Variants in MYO3B observed in about 807,000 individuals in gnomAD.
MYO3B encodes the protein myosin-IIIb.
MYO3B carries 156 observed loss-of-function variants against 174.6 expected under a neutral mutation model. The ratio of observed to expected loss-of-function variants is 0.89; its 90% confidence interval spans 0.78 to 1.02. The LOEUF is 1.02. MYO3B is among the 50% of genes least tolerant of loss of function. The pLI is 0.00. For missense variants in MYO3B, 1,632 were observed against 1,639.4 expected (o/e 1.00, Z 0.08); for synonymous variants, 563 against 569.1 (o/e 0.99, Z 0.15).
At chr2:170,610,496 A>G (rs1315522494) in intron 32 of MYO3B, among the ~76,000 whole-genome samples, 1 of 152,174 alleles carries the variant, frequency 6.6e-6, no homozygotes, top group Non-Finnish European at 1.5e-5. Context: ...CAGTCAAGTA[A>G]TTTTCTATCA....
chr2:170,601,605 C>G (rs534779832), intron 32 of MYO3B: 201 of 1,190,634 alleles, frequency 1.7e-4, no homozygotes, highest in Non-Finnish European at 2.2e-4. Context: ...TAGGCTAGAA[C>G]CAACTTATTC....
rs771135579 is a variant in MYO3B, at chr2:170,499,692, G to A, written c.3173G>A (p.Arg1058Gln). 5.1e-5 allele frequency: 83 copies of A among 1,613,862 alleles called. No individual in the cohort carries two copies. Among genetic ancestry groups the A allele is most frequent in the Non-Finnish European group, 6.6e-5 (78 of 1,179,974 alleles). Residue 1058 changes from arginine (R) to glutamine (Q), a missense_variant, in exon 27 of 35, where the codon CGA becomes CAA. Arg to Gln is a conservative substitution (Grantham distance 43). Coordinates refer to ENST00000408978, the MANE Select transcript of MYO3B (RefSeq NM_138995.5). ...YHVEQLNLLL[R>Q]EVIGRVVVLQ... is the part of the protein sequence containing the mutation. The stretch of plus-strand genomic sequence containing the variant: ...GTTGAGCAATTAAATTTGCTGCTTC[G>A]AGAAGTCATAGGCAGAGTGGTTGTG...
At chr2:170,617,605 G>A (rs1393409983) in intron 32 of MYO3B, among the ~76,000 whole-genome samples, 1 of 152,106 alleles carries the variant, frequency 6.6e-6, no homozygotes, top group Non-Finnish European at 1.5e-5. Context: ...TCCATAATTT[G>A]GAATGTTCAG....
chr2:170,550,891 T>C (rs900139621), intron 32 of MYO3B, among the ~76,000 whole-genome samples: 1 of 152,134 alleles, frequency 6.6e-6, no homozygotes, highest in South Asian at 2.1e-4. Flanking sequence ...TAGGAATGAC[T>C]GCCTTTATTG....
intron 23 of MYO3B, among the ~76,000 whole-genome samples, chr2:170,456,264 G>A (rs1437609800): frequency 3.3e-5 from 5 of 152,186 alleles, no homozygotes; most frequent in Non-Finnish European, 5.9e-5. Context: ...ACAAACAGTG[G>A]TTTGGGACAA....
intron 7 of MYO3B, among the ~76,000 whole-genome samples, chr2:170,315,584 G>C (rs2093770085): frequency 6.6e-6 from 1 of 152,156 alleles, no homozygotes; most frequent in African/African-American, 2.4e-5. Context: ...GGGATTACAG[G>C]TGTGAGCCAT....
chr2:170,384,736 T>A (rs1399004778), intron 12 of MYO3B, among the ~76,000 whole-genome samples: 2 of 152,228 alleles, frequency 1.3e-5, no homozygotes, highest in African/African-American at 4.8e-5. Context: ...CTGTGTTGTC[T>A]TTTTTGACAC....
At chr2:170,244,934 C>T (rs1340876393) in intron 7 of MYO3B, among the ~76,000 whole-genome samples, 2 of 152,124 alleles carry the variant, frequency 1.3e-5, no homozygotes, top group East Asian at 1.9e-4. Context: ...AATCACAGCC[C>T]GGGAAAGATT....
Position 170,217,413 on chromosome 2 carries a change from A to G in MYO3B, c.603+18A>G, listed in dbSNP as rs565473944. On this transcript the variant is annotated intron_variant, in intron 6 of 34. Transcript: ENST00000408978. ...CCCCTGAGGTAAGCTGGAAATACCT[A>G]GTTCTTTCTTTGCACTTGTTGAATG... 10 of 1,602,890 alleles carry G rather than the reference A, an allele frequency of 6.2e-6. No homozygotes were observed. Among genetic ancestry groups the G allele is most frequent in the Admixed American group, 3.3e-5 (2 of 60,012 alleles).
intron 12 of MYO3B, 55 bp from the exon 13 acceptor site, chr2:170,386,134 G>C: frequency 7.0e-7 from 1 of 1,431,706 alleles, no homozygotes; most frequent in Non-Finnish European, 9.8e-7. Flanking sequence ...TATGAAGCAT[G>C]CAAGTTGCTT....
Position 170,544,106 on chromosome 2 carries a change from AG to A in MYO3B, c.3733+119del, listed in dbSNP as rs1690313985. 4 of 681,790 alleles carry A rather than the reference AG, an allele frequency of 5.9e-6. No homozygotes were observed. The East Asian group carries it at 9.4e-5, about 16-fold the overall frequency. 42.2% of individuals were successfully genotyped at this position (681,790 alleles called of 1,614,324 possible). On this transcript the variant is annotated intron_variant, in intron 32 of 34. Coordinates refer to ENST00000408978, the MANE Select transcript of MYO3B (RefSeq NM_138995.5). Reference sequence around the variant, plus strand: ...GTAATATGACCAAATGTTGGCAAAAAGTTTTGGGAAGCCATACATGCTGGAT... The same window carrying A: ...GTAATATGACCAAATGTTGGCAAAAATTTTGGGAAGCCATACATGCTGGAT...
intron 32 of MYO3B, among the ~76,000 whole-genome samples, chr2:170,574,301 T>A (rs11897500): frequency 0.013 from 1,919 of 152,206 alleles, 39 homozygotes; most frequent in African/African-American, 0.044. Flanking sequence ...CAGTTGGCCG[T>A]TATTTGATTT....
At chr2:170,634,959 A>G (rs2105405476) in intron 32 of MYO3B, among the ~76,000 whole-genome samples, 1 of 152,204 alleles carries the variant, frequency 6.6e-6, no homozygotes, top group Non-Finnish European at 1.5e-5. Flanking sequence ...TAAAAAGGAA[A>G]CAACAGGTGC....
At chr2:170,376,031 G>C (rs1279011520) in intron 9 of MYO3B, among the ~76,000 whole-genome samples, 3 of 152,098 alleles carry the variant, frequency 2.0e-5, no homozygotes, top group Non-Finnish European at 4.4e-5. Context: ...ATCAAATACT[G>C]TTTAATATGA....
intron 27 of MYO3B, among the ~76,000 whole-genome samples, chr2:170,501,378 G>T (rs1559062142): frequency 6.6e-6 from 1 of 152,092 alleles, no homozygotes. Context: ...AACAGATTTT[G>T]AAAGGGTCAG....
chr2:170,456,684 C>T (rs145205179), intron 23 of MYO3B, among the ~76,000 whole-genome samples: 44 of 152,314 alleles, frequency 2.9e-4, no homozygotes, highest in African/African-American at 4.8e-4. Context: ...TTTAAAACTA[C>T]GCTAAAACTA....
At chr2:170,417,895 T>C (rs915225303) in intron 22 of MYO3B, among the ~76,000 whole-genome samples, 2 of 151,856 alleles carry the variant, frequency 1.3e-5, no homozygotes, top group Non-Finnish European at 2.9e-5. Context: ...CTCCAACATA[T>C]GAATTTTTTA....
intron 32 of MYO3B, among the ~76,000 whole-genome samples, chr2:170,644,915 A>G (rs1698248711): frequency 6.6e-6 from 1 of 152,202 alleles, no homozygotes; most frequent in South Asian, 2.1e-4. Flanking sequence ...GATGTGTTAA[A>G]GTTCTCAAAT....
chr2:170,571,844 G>T (rs1692457543), intron 32 of MYO3B, among the ~76,000 whole-genome samples: 1 of 152,160 alleles, frequency 6.6e-6, no homozygotes, highest in Non-Finnish European at 1.5e-5. Context: ...TGAACACACT[G>T]CAGAAAAGTG....
Sources: allele counts gnomAD v4.1 joint callset (sites outside exome capture counted in the v4.1 genomes callset), GRCh38; gene constraint gnomAD v4.1.1; transcripts MANE v1.5; gene names NCBI Gene and HGNC (gene_info 2026-07-23, HGNC 2026-07-21).